Variants in SYTL5 observed in about 807,000 individuals in gnomAD.
The protein encoded by SYTL5 is synaptotagmin-like protein 5.
SYTL5 carries 34 observed loss-of-function variants against 55.9 expected under a neutral mutation model. The observed-to-expected ratio is 0.61, with a 90% CI of 0.46 to 0.81. The LOEUF (loss-of-function observed/expected upper bound fraction) is 0.81. Among genes scored for constraint, SYTL5 ranks in the 30% least tolerant of loss-of-function variants. SYTL5 has a pLI of 0.00. For synonymous variants in SYTL5, 221 were observed against 188.7 expected (o/e 1.17, Z -1.40); for missense variants, 637 against 546.7 (o/e 1.17, Z -1.65).
chrX:38,115,416 G>A (rs1264732506), intron 13 of SYTL5, among the ~76,000 whole-genome samples: 5 of 94,049 alleles, frequency 5.3e-5, no homozygotes, highest in Non-Finnish European at 8.3e-5. Flanking sequence ...CCCGGGAGGC[G>A]GAGCTTGCAG....
At chrX:37,947,283 T>C in the SYTL5 span, among the ~76,000 whole-genome samples, 1 of 111,790 alleles carries the variant, frequency 8.9e-6, no homozygotes, top group Non-Finnish European at 1.9e-5. Flanking sequence ...CCTACCAAAA[T>C]CTCACCTCAA....
chrX:37,929,560 G>C, the SYTL5 span, among the ~76,000 whole-genome samples: 1 of 112,033 alleles, frequency 8.9e-6, no homozygotes, highest in African/African-American at 3.2e-5. Context: ...GAGATAAGTA[G>C]AAGTGAAGAA....
chrX:37,943,885 A>C, the SYTL5 span, among the ~76,000 whole-genome samples: 1 of 111,431 alleles, frequency 9.0e-6, no homozygotes, highest in Non-Finnish European at 1.9e-5. Flanking sequence ...ACAAAAATTC[A>C]CCATGGCTCC....
rs376878383 is a variant in SYTL5 at position 38,070,567 on chromosome X, A to G, written c.330-1480A>G. ...ATTTAGCCAGAGATTATGTGATTCAATCTGAACTTTAGAAAAACTGCTAGA... is the reference window on the plus strand; with the variant it reads ...ATTTAGCCAGAGATTATGTGATTCAGTCTGAACTTTAGAAAAACTGCTAGA... On this transcript the variant is annotated intron_variant, in intron 3 of 16. Transcript: ENST00000297875. 6.3e-5 allele frequency among the ~76,000 whole-genome samples: 7 copies of G among 111,211 alleles called. No individual in the cohort carries two copies. In the South Asian group the frequency reaches 1.1e-3, roughly 18 times the overall value.
At chrX:38,028,768 T>G (rs746239997) in intron 1 of SYTL5, among the ~76,000 whole-genome samples, 1 of 111,854 alleles carries the variant, frequency 8.9e-6, no homozygotes, top group Non-Finnish European at 1.9e-5. Flanking sequence ...CAAGAACACC[T>G]GTTAAAGTCC....
rs1406396037 is a variant in SYTL5 at position 38,072,081 on chromosome X, G to A, written c.364G>A (p.Glu122Lys). 2.4e-5 allele frequency: 29 copies of A among 1,208,070 alleles called. No individual in the cohort carries two copies. Among genetic ancestry groups the A allele is most frequent in the Non-Finnish European group, 3.1e-5 (28 of 893,990 alleles). The stretch of plus-strand genomic sequence containing the variant: ...GATTATAACTGGTGAGTGGTTTTTT[G>A]AAGAAAAGGCAAAACGTTTCAAGCA... ...LRIITGEWFF[E>K]EKAKRFKQVN... is the part of the protein sequence containing the mutation. The change falls in exon 4 of 17, where the codon GAA becomes AAA. Residue 122 changes from glutamate to lysine, a missense_variant. Coordinates refer to ENST00000297875, the MANE Select transcript of SYTL5 (RefSeq NM_138780.3).
chrX:37,985,599 C>T, the SYTL5 span, among the ~76,000 whole-genome samples: 6 of 109,535 alleles, frequency 5.5e-5, no homozygotes, highest in Admixed American at 9.8e-5. Flanking sequence ...TGGCAATATT[C>T]CCCAAATTTA....
intron 10 of SYTL5, among the ~76,000 whole-genome samples, chrX:38,104,830 G>T (rs957626064): frequency 1.8e-5 from 2 of 111,588 alleles, no homozygotes; most frequent in Non-Finnish European, 3.8e-5. Context: ...AGTGCCAAAG[G>T]ATAATTTTAT....
chrX:38,120,548 A>G (rs1001933096), intron 14 of SYTL5, 82 bp downstream of exon 14: 4 of 752,039 alleles, frequency 5.3e-6, no homozygotes, highest in Non-Finnish European at 6.1e-6. Context: ...TGGTTGCATT[A>G]TATTTCTTTC....
the SYTL5 span, among the ~76,000 whole-genome samples, chrX:37,918,946 AGTGTGT>A: frequency 9.5e-6 from 1 of 105,096 alleles, no homozygotes; most frequent in African/African-American, 3.5e-5. Context: ...AGTGTGAGTG[AGTGTGT>A]GTGTGTGTGT....
At chrX:38,119,482 G>A (rs1212857778) in intron 13 of SYTL5, among the ~76,000 whole-genome samples, 1 of 112,154 alleles carries the variant, frequency 8.9e-6, no homozygotes, top group Non-Finnish European at 1.9e-5. Flanking sequence ...TAATTCTCTA[G>A]AGATTCAACT....
intron 9 of SYTL5, among the ~76,000 whole-genome samples, chrX:38,100,139 G>A (rs778901107): frequency 1.2e-4 from 13 of 110,961 alleles, no homozygotes; most frequent in African/African-American, 4.2e-4. Context: ...GAATTTGACA[G>A]GAATTGGCAT....
At chrX:38,058,683 G>T (rs187963629) in intron 3 of SYTL5, among the ~76,000 whole-genome samples, 3 of 110,847 alleles carry the variant, frequency 2.7e-5, no homozygotes, top group African/African-American at 9.8e-5. Context: ...GTATATTATT[G>T]TTCCTTTGAA....
rs377732678 is a variant in SYTL5 at position 38,073,679 on chromosome X, G to C, written c.535G>C (p.Asp179His). ...SPVAGKKASH[D>H]GPKRKGFLLS... Reference sequence around the variant, plus strand: ...TGTTGCTGGGAAGAAGGCCAGCCATGATGGGCCCAAGAGAAAGGGGTAAGA... The same window carrying C: ...TGTTGCTGGGAAGAAGGCCAGCCATCATGGGCCCAAGAGAAAGGGGTAAGA... Residue 179 changes from aspartate to histidine, a missense_variant, in exon 5 of 17, where the codon GAT becomes CAT. Coordinates refer to ENST00000297875, the MANE Select transcript of SYTL5 (RefSeq NM_138780.3). The C allele has an allele frequency of 2.5e-5, 30 of 1,190,105 alleles. No individual in the cohort carries two copies. The Admixed American group carries it at 4.3e-4, about 17-fold the overall frequency.
At chrX:37,919,465 C>T in the SYTL5 span, among the ~76,000 whole-genome samples, 6 of 111,194 alleles carry the variant, frequency 5.4e-5, no homozygotes, top group Non-Finnish European at 1.1e-4. Context: ...CTCTGTCTGC[C>T]CCATATTCAT....
the SYTL5 span, among the ~76,000 whole-genome samples, chrX:37,982,886 A>C: frequency 1.8e-5 from 2 of 111,404 alleles, no homozygotes; most frequent in African/African-American, 6.5e-5. Context: ...GGTTTGTAGA[A>C]TTTATAGATT....
the SYTL5 span, among the ~76,000 whole-genome samples, chrX:37,909,454 T>C: frequency 9.0e-6 from 1 of 111,465 alleles, no homozygotes; most frequent in South Asian, 3.8e-4. Flanking sequence ...TTGTAAACTT[T>C]CTTAAAACAT....
At chrX:37,903,381 T>G in the SYTL5 span, among the ~76,000 whole-genome samples, 1 of 107,487 alleles carries the variant, frequency 9.3e-6, no homozygotes, top group Non-Finnish European at 1.9e-5. Flanking sequence ...TAAAAAATGA[T>G]GAGTTCATGT....
the SYTL5 span, among the ~76,000 whole-genome samples, chrX:37,924,493 C>A: frequency 1.8e-5 from 2 of 111,279 alleles, no homozygotes; most frequent in Non-Finnish European, 3.8e-5. Flanking sequence ...GATGTAAATA[C>A]CTTAATGCGT....
Sources: allele counts gnomAD v4.1 joint callset (sites outside exome capture counted in the v4.1 genomes callset), GRCh38; gene constraint gnomAD v4.1.1; transcripts MANE v1.5; gene names NCBI Gene and HGNC (gene_info 2026-07-23, HGNC 2026-07-21).